The following DCLK1 variants were observed in gnomAD, a reference collection of about 807,000 sequenced individuals.
The protein encoded by DCLK1 is doublecortin like kinase 1.
In DCLK1, 16 loss-of-function variants were observed where a neutral mutation model predicts 86.2. That is an observed-to-expected ratio of 0.19 (90% confidence interval 0.13 to 0.28). The LOEUF (loss-of-function observed/expected upper bound fraction) is 0.28, where lower values mean the gene tolerates loss of function less well. Among genes scored for constraint, DCLK1 ranks in the 10% least tolerant of loss-of-function variants. DCLK1 has a pLI of 1.00. For missense variants in DCLK1, 590 were observed against 940.2 expected (o/e 0.63, Z 4.87); for synonymous variants, 369 against 370.5 (o/e 1.00, Z 0.05).
chr13:35,969,480 G>A (rs1307585348), intron 3 of DCLK1, among the ~76,000 whole-genome samples: 2 of 152,212 alleles, frequency 1.3e-5, no homozygotes, highest in East Asian at 3.9e-4. Flanking sequence ...TTCTCCTCTA[G>A]GGCCTTGGGA....
chr13:35,888,385 A>C (rs1873425239), intron 4 of DCLK1, among the ~76,000 whole-genome samples: 1 of 152,244 alleles, frequency 6.6e-6, no homozygotes, highest in African/African-American at 2.4e-5. Context: ...AAGGTTAGAA[A>C]CATCTAAACC....
chr13:35,956,526 C>G (rs1015331962), intron 3 of DCLK1, among the ~76,000 whole-genome samples: 6 of 151,602 alleles, frequency 4.0e-5, no homozygotes, highest in Non-Finnish European at 7.4e-5. Context: ...AAATGTGGCA[C>G]TGAACATATG....
chr13:36,087,488 T>C (rs746815955), intron 3 of DCLK1, among the ~76,000 whole-genome samples: 5 of 152,336 alleles, frequency 3.3e-5, no homozygotes, highest in Non-Finnish European at 7.3e-5. Context: ...ATTCGTTTGG[T>C]AATCAATTTC....
At chr13:35,802,888 C>T (rs2086950390) in intron 15 of DCLK1, among the ~76,000 whole-genome samples, 1 of 152,110 alleles carries the variant, frequency 6.6e-6, no homozygotes, top group South Asian at 2.1e-4. Context: ...CCACTGCCAC[C>T]CAGAGAGCCT....
chr13:36,007,997 G>C (rs1352505739), intron 3 of DCLK1, among the ~76,000 whole-genome samples: 2 of 151,824 alleles, frequency 1.3e-5, no homozygotes, highest in Non-Finnish European at 2.9e-5. Flanking sequence ...ACAATTTTTA[G>C]TCTATAAAAC....
intron 3 of DCLK1, among the ~76,000 whole-genome samples, chr13:36,076,188 T>TA (rs1884208362): frequency 2.0e-5 from 3 of 152,194 alleles, no homozygotes; most frequent in Admixed American, 2.0e-4. Flanking sequence ...AAAATTATGT[T>TA]AAAAAATGTA....
chr13:36,094,469 T>C (rs1394781375), intron 3 of DCLK1, among the ~76,000 whole-genome samples: 1 of 152,202 alleles, frequency 6.6e-6, no homozygotes, highest in South Asian at 2.1e-4. Context: ...TGGTGTTCTG[T>C]TGCGTTATTA....
Position 36,111,966 on chromosome 13 carries a change from G to A in DCLK1, c.626C>T (p.Thr209Met). 1 of 1,614,234 alleles carries A rather than the reference G, an allele frequency of 6.2e-7. No individual in the cohort carries two copies. The highest frequency in any genetic ancestry group is 8.5e-7 in the Non-Finnish European group (1 of 1,180,042). ...GAGGACCTGCTCAAAGGAATGAGCC[G>A]TTTTCTTGTTCAGCAGAATCCTGAC... ...KAVRILLNKK[T>M]AHSFEQVLTD... Residue 209 changes from threonine (T) to methionine (M), a missense_variant, in exon 3 of 17, where the codon ACG becomes ATG. By Grantham distance (81) the Thr-to-Met change is moderately conservative. This residue lies in a region of DCLK1 where 195 missense variants were observed against 365.1 expected (regional missense o/e 0.53). Transcript: ENST00000360631.
intron 4 of DCLK1, among the ~76,000 whole-genome samples, chr13:35,891,693 TA>T (rs1355751682): frequency 1.3e-5 from 2 of 152,202 alleles, no homozygotes; most frequent in African/African-American, 4.8e-5. Flanking sequence ...ATGTGCAAAG[TA>T]AAGTGCTGTG....
chr13:35,885,514 C>G (rs1393693155), intron 4 of DCLK1, among the ~76,000 whole-genome samples: 2 of 152,106 alleles, frequency 1.3e-5, no homozygotes, highest in African/African-American at 4.8e-5. Flanking sequence ...TCAAGTAATA[C>G]TGAAGAAGAG....
chr13:35,900,667 G>A (rs886217872), intron 4 of DCLK1, among the ~76,000 whole-genome samples: 2 of 152,018 alleles, frequency 1.3e-5, no homozygotes, highest in African/African-American at 4.8e-5. Flanking sequence ...TCTTTGTTTC[G>A]GGGAGCTGTG....
At chr13:35,841,032 G>A (rs1869756587) in intron 6 of DCLK1, among the ~76,000 whole-genome samples, 1 of 152,154 alleles carries the variant, frequency 6.6e-6, no homozygotes, top group South Asian at 2.1e-4. Context: ...AAACAGAAAA[G>A]CACTAAGTAA....
At chr13:35,976,047 G>C (rs1593784896) in intron 3 of DCLK1, among the ~76,000 whole-genome samples, 1 of 152,316 alleles carries the variant, frequency 6.6e-6, no homozygotes, top group Admixed American at 6.5e-5. Flanking sequence ...CAGTCCTCTA[G>C]GGAACTCCTC....
At chr13:35,843,199 G>A (rs951887110) in intron 6 of DCLK1, among the ~76,000 whole-genome samples, 3 of 151,994 alleles carry the variant, frequency 2.0e-5, no homozygotes, top group South Asian at 2.1e-4. Flanking sequence ...GCTTCAATTC[G>A]CTAATTCCAA....
At chr13:35,881,630 G>A (rs1222422170) in intron 4 of DCLK1, among the ~76,000 whole-genome samples, 4 of 152,090 alleles carry the variant, frequency 2.6e-5, no homozygotes, top group Admixed American at 6.6e-5. Flanking sequence ...ACTATGGCTC[G>A]GTACATTTCT....
chr13:36,004,091 T>C (rs1880842936), intron 3 of DCLK1, among the ~76,000 whole-genome samples: 1 of 152,282 alleles, frequency 6.6e-6, no homozygotes, highest in East Asian at 1.9e-4. Context: ...AAATAATACA[T>C]TTATCTGATA....
At chr13:35,923,092 A>C (rs936392379) in intron 4 of DCLK1, among the ~76,000 whole-genome samples, 3 of 152,204 alleles carry the variant, frequency 2.0e-5, no homozygotes, top group Non-Finnish European at 4.4e-5. Flanking sequence ...TGGGAACTTA[A>C]GTAAAGTGAA....
chr13:36,008,813 T>C (rs1205178482), intron 3 of DCLK1, among the ~76,000 whole-genome samples: 8 of 151,340 alleles, frequency 5.3e-5, no homozygotes, highest in Non-Finnish European at 8.9e-5. Flanking sequence ...ACTTCCACAA[T>C]GGTTGAACTA....
chr13:36,107,382 C>T (rs914190330), intron 3 of DCLK1, among the ~76,000 whole-genome samples: 50 of 131,322 alleles, frequency 3.8e-4, no homozygotes, highest in African/African-American at 1.2e-3. Context: ...CTCACTCTGT[C>T]GCCCAGGCTG....
Sources: allele counts gnomAD v4.1 joint callset (sites outside exome capture counted in the v4.1 genomes callset), GRCh38; gene constraint gnomAD v4.1.1; regional missense constraint gnomAD v4.1.1; transcripts MANE v1.5; gene names NCBI Gene and HGNC (gene_info 2026-07-23, HGNC 2026-07-21).